Variants in HCN1 observed in about 807,000 individuals in gnomAD.
HCN1 encodes hyperpolarization activated cyclic nucleotide gated potassium channel 1.
HCN1 carries 13 observed loss-of-function variants against 78.9 expected under a neutral mutation model. The observed-to-expected ratio is 0.16, with a 90% CI of 0.11 to 0.26. HCN1 has a LOEUF of 0.26. Ranked by LOEUF, HCN1 falls within the 10% of genes least tolerant of loss-of-function variation. The pLI is 1.00. For synonymous variants in HCN1, 552 were observed against 455.5 expected (o/e 1.21, Z -2.70); for missense variants, 810 against 1,154.3 (o/e 0.70, Z 4.32).
chr5:45,336,999 T>C (rs888074679), intron 5 of HCN1, among the ~76,000 whole-genome samples: 9 of 151,968 alleles, frequency 5.9e-5, no homozygotes, highest in Non-Finnish European at 1.2e-4. Flanking sequence ...GCAGAGGGCA[T>C]AAATACTCAC....
chr5:45,521,796 CTTA>C (rs1742618295), intron 2 of HCN1, among the ~76,000 whole-genome samples: 1 of 151,870 alleles, frequency 6.6e-6, no homozygotes, highest in Non-Finnish European at 1.5e-5. Context: ...TATAATATAA[CTTA>C]TTATCAGCAA....
chr5:45,409,236 T>C (rs1739982542), intron 3 of HCN1, among the ~76,000 whole-genome samples: 1 of 151,964 alleles, frequency 6.6e-6, no homozygotes, highest in South Asian at 2.1e-4. Context: ...GTTTTGTAAA[T>C]GAGGGGATAA....
intron 1 of HCN1, among the ~76,000 whole-genome samples, chr5:45,658,083 G>A (rs951663952): frequency 1.9e-4 from 29 of 152,122 alleles, no homozygotes; most frequent in East Asian, 9.7e-4. Context: ...AAATAACGCC[G>A]CATATCTACA....
chr5:45,551,035 G>A (rs1207980228), intron 2 of HCN1, among the ~76,000 whole-genome samples: 1 of 151,886 alleles, frequency 6.6e-6, no homozygotes, highest in Non-Finnish European at 1.5e-5. Flanking sequence ...TAAGCATACA[G>A]ATCTTAATAA....
chr5:45,480,532 G>GGCAT (rs987971312), intron 2 of HCN1, among the ~76,000 whole-genome samples: 1 of 152,032 alleles, frequency 6.6e-6, no homozygotes, highest in African/African-American at 2.4e-5. Flanking sequence ...AGAAAGGGTG[G>GGCAT]GCATATCAGA....
chr5:45,613,976 T>C (rs1220147609), intron 2 of HCN1, among the ~76,000 whole-genome samples: 1 of 152,012 alleles, frequency 6.6e-6, no homozygotes, highest in Non-Finnish European at 1.5e-5. Flanking sequence ...ATAAGTCCAG[T>C]AATCATTTTT....
chr5:45,540,091 T>G (rs1009412583), intron 2 of HCN1, among the ~76,000 whole-genome samples: 1 of 151,652 alleles, frequency 6.6e-6, no homozygotes, highest in Non-Finnish European at 1.5e-5. Context: ...ATAGTGCTAT[T>G]TATCTCTTTT....
chr5:45,651,328 C>T (rs991242572), intron 1 of HCN1, among the ~76,000 whole-genome samples: 1 of 151,974 alleles, frequency 6.6e-6, no homozygotes, highest in African/African-American at 2.4e-5. Flanking sequence ...TGATCTGTTA[C>T]TGGTTTCAAA....
At chr5:45,512,294 T>C (rs996704005) in intron 2 of HCN1, among the ~76,000 whole-genome samples, 2 of 152,118 alleles carry the variant, frequency 1.3e-5, no homozygotes, top group East Asian at 1.9e-4. Flanking sequence ...AGTGATCTTG[T>C]CTTCTGGAAT....
intron 2 of HCN1, among the ~76,000 whole-genome samples, chr5:45,613,481 T>A (rs1398591232): frequency 6.6e-6 from 1 of 151,872 alleles, no homozygotes; most frequent in African/African-American, 2.4e-5. Context: ...CTGGAGAGGA[T>A]GTGGAGAAAT....
intron 3 of HCN1, among the ~76,000 whole-genome samples, chr5:45,440,257 A>C (rs1740644747): frequency 6.6e-6 from 1 of 152,180 alleles, no homozygotes; most frequent in East Asian, 1.9e-4. Context: ...ATATAGGAAC[A>C]AATTCAATTA....
At chr5:45,291,173 C>T (rs1745365201) in intron 6 of HCN1, among the ~76,000 whole-genome samples, 1 of 151,952 alleles carries the variant, frequency 6.6e-6, no homozygotes, top group African/African-American at 2.4e-5. Flanking sequence ...TCTTCTATTT[C>T]CAGCTTACTT....
intron 2 of HCN1, among the ~76,000 whole-genome samples, chr5:45,556,770 C>T (rs1317495776): frequency 2.6e-5 from 4 of 151,994 alleles, no homozygotes; most frequent in African/African-American, 9.7e-5. Flanking sequence ...TCTTTCCCCT[C>T]TATGTTTCTT....
intron 2 of HCN1, among the ~76,000 whole-genome samples, chr5:45,547,785 A>G (rs1743259495): frequency 6.6e-6 from 1 of 151,944 alleles, no homozygotes; most frequent in Non-Finnish European, 1.5e-5. Context: ...TGTAATAAAC[A>G]TATAAAATGC....
intron 2 of HCN1, among the ~76,000 whole-genome samples, chr5:45,557,377 G>T (rs1743492543): frequency 6.6e-6 from 1 of 152,026 alleles, no homozygotes; most frequent in African/African-American, 2.4e-5. Flanking sequence ...TTGTAGTGCT[G>T]CTGACTTCTT....
intron 6 of HCN1, among the ~76,000 whole-genome samples, chr5:45,278,405 T>A (rs991775202): frequency 2.0e-5 from 3 of 152,046 alleles, no homozygotes; most frequent in African/African-American, 7.2e-5. Flanking sequence ...ACAGAAAAAA[T>A]TTATTAGGCA....
intron 4 of HCN1, among the ~76,000 whole-genome samples, chr5:45,355,186 T>G (rs1746984686): frequency 6.6e-6 from 1 of 152,014 alleles, no homozygotes; most frequent in African/African-American, 2.4e-5. Context: ...AAACTAAAAT[T>G]TTAAAGTTAT....
At chr5:45,658,862 C>T (rs944278758) in intron 1 of HCN1, among the ~76,000 whole-genome samples, 5 of 150,274 alleles carry the variant, frequency 3.3e-5, no homozygotes, top group African/African-American at 1.2e-4. Flanking sequence ...TGCAAGGCGG[C>T]AACGAGGCTG....
chr5:45,423,943 G>A (rs1429029986), intron 3 of HCN1, among the ~76,000 whole-genome samples: 1 of 151,806 alleles, frequency 6.6e-6, no homozygotes, highest in East Asian at 1.9e-4. Context: ...ATTGCTTAAA[G>A]TGCTCCATAA....
Sources: allele counts gnomAD v4.1 joint callset (sites outside exome capture counted in the v4.1 genomes callset), GRCh38; gene constraint gnomAD v4.1.1; transcripts MANE v1.5; gene names NCBI Gene and HGNC (gene_info 2026-07-23, HGNC 2026-07-21).